Variants in GRHL3 observed in about 807,000 individuals in gnomAD.
GRHL3 encodes grainyhead-like protein 3 homolog.
In GRHL3, 20 loss-of-function variants were observed where a neutral mutation model predicts 70.3. The ratio of observed to expected loss-of-function variants is 0.28; its 90% CI spans 0.20 to 0.41. GRHL3 has a LOEUF of 0.41. GRHL3 is among the 10% of genes least tolerant of loss of function. The pLI is 1.00. For synonymous variants in GRHL3, 299 were observed against 299.9 expected, an observed-to-expected ratio of 1.00 and a Z score of 0.03; for missense variants, 637 against 762.3, an observed-to-expected ratio of 0.84 and a Z score of 1.94.
chr1:24,322,973 C>G lies in GRHL3; in HGVS notation c.17+3405C>G. 1 of 933,902 alleles carries G rather than the reference C, an allele frequency of 1.1e-6. No individual in the cohort carries two copies. Among genetic ancestry groups the G allele is most frequent in the Non-Finnish European group, 1.7e-6 (1 of 603,740 alleles). The allele number at this position is 933,902 out of a possible 1,614,324, so 57.9% of individuals were successfully genotyped here. A position where few individuals can be genotyped will look rare whatever the true frequency, so the allele number is the denominator to read the frequency against. Reference sequence around the variant, plus strand: ...CTCACGGAAGCACTGGGATCTTAACCGGGTCTTAGCCGAGCAGCCATAGGC... The same window carrying G: ...CTCACGGAAGCACTGGGATCTTAACGGGGTCTTAGCCGAGCAGCCATAGGC... On this transcript the variant is annotated intron_variant, in intron 1 of 15. Coordinates refer to ENST00000361548, the MANE Select transcript of GRHL3 (RefSeq NM_198173.3). This position sits in a 1 kb window ranked among gnomAD's most constrained non-coding sequence, Gnocchi z 4.4.
rs1640080112 is a variant in GRHL3, at chr1:24,342,421, C to G, written c.1206+148C>G. The G allele has an allele frequency of 1.5e-6, 1 of 686,202 alleles. No homozygotes were observed. Among genetic ancestry groups the G allele is most frequent in the Non-Finnish European group, 2.5e-6 (1 of 407,722 alleles). 42.5% of individuals were successfully genotyped at this position (686,202 alleles called of 1,614,324 possible). ...TCCTTCCCCTCTCCTCCTCCACCCC[C>G]ACTCCTCCATCTCTCTGTCTCTCTG... On this transcript the variant is annotated intron_variant, in intron 9 of 15. Coordinates refer to ENST00000361548, the MANE Select transcript of GRHL3 (RefSeq NM_198173.3). This position sits in a 1 kb window ranked among gnomAD's most constrained non-coding sequence, Gnocchi z 4.8.
chr1:24,357,583 G>T (rs1569943716), downstream of GRHL3: 1 of 158,574 alleles, frequency 6.3e-6, no homozygotes, highest in African/African-American at 2.4e-5. Context: ...AGAGGCCACA[G>T]TTGTACAGGC....
Position 24,337,012 on chromosome 1 carries a change from C to A in GRHL3, c.613-66C>A, listed in dbSNP as rs533818307. 132 of 1,490,764 alleles carry A rather than the reference C, an allele frequency of 8.9e-5. No homozygotes were observed. In the African/African-American group the frequency reaches 1.4e-3, roughly 16 times the overall value. The allele number at this position is 1,490,764 out of a possible 1,614,324, so 92.3% of individuals were successfully genotyped here. ...CAACCTGCATAGCTGTAATGCACAG[C>A]CCTGGGCTGAGGCTTCCCAGAGTGA... is the stretch of plus-strand genomic sequence containing the variant. On this transcript the variant is annotated intron_variant, in intron 4 of 15. Transcript: ENST00000361548.
downstream of GRHL3, chr1:24,357,518 T>G (rs1640802904): frequency 6.5e-6 from 1 of 152,958 alleles, no homozygotes; most frequent in South Asian, 2.1e-4. Context: ...TCAGTACTTT[T>G]TAAAGTCCCC....
chr1:24,336,736 G>A lies in GRHL3; in HGVS notation c.521G>A (p.Gly174Asp). Reference sequence around the variant, plus strand: ...CCCACCACTGATATGTATGATAATGGCTCCCTCAACTCCTTGTTTGAGAGC... The same window carrying A: ...CCCACCACTGATATGTATGATAATGACTCCCTCAACTCCTTGTTTGAGAGC... ...LLPTTDMYDN[G>D]SLNSLFESIH... is the part of the protein sequence containing the mutation. Residue 174 changes from glycine to aspartate, a missense_variant, in exon 4 of 16, where the codon GGC (glycine) becomes GAC (aspartate). Physicochemically the swap from Gly to Asp is moderately conservative, Grantham distance 94. Coordinates refer to ENST00000361548, the MANE Select transcript of GRHL3 (RefSeq NM_198173.3). 1 of 1,614,084 alleles carries A rather than the reference G, an allele frequency of 6.2e-7. No homozygotes were observed. Among genetic ancestry groups the A allele is most frequent in the Non-Finnish European group, 8.5e-7 (1 of 1,180,014 alleles).
chr1:24,336,651 G>C lies in GRHL3; in HGVS notation c.436G>C (p.Ala146Pro), dbSNP rs1446860434. 1.2e-6 allele frequency: 2 copies of C among 1,614,002 alleles called. No individual in the cohort carries two copies. The highest frequency in any genetic ancestry group is 1.7e-6 in the Non-Finnish European group (2 of 1,180,010). Reference protein sequence around the residue: ...EGALPTPGKAAPLPAGPSKLE... With the variant: ...EGALPTPGKAPPLPAGPSKLE... ...GGCCTTGCCCACCCCTGGCAAGGCA[G>C]CTCCCCTCCCTGCAGGCCCCAGCAA... Residue 146 changes from alanine (A) to proline (P), a missense_variant, in exon 4 of 16, where the codon GCT (alanine) becomes CCT (proline). Transcript: ENST00000361548.
chr1:24,343,376 C>T (rs1009947093), intron 11 of GRHL3: 27 of 254,082 alleles, frequency 1.1e-4, no homozygotes, highest in Admixed American at 7.9e-4. Context: ...CGGCTCTGAG[C>T]GCTTCCCAGG....
chr1:24,354,336 C>T (rs762380398), intron 15 of GRHL3, 38 bp from the exon 16 acceptor site: 1 of 1,456,458 alleles, frequency 6.9e-7, no homozygotes, highest in South Asian at 1.1e-5. Context: ...AAACAGGGCG[C>T]CTGCTGTGTT....
chr1:24,335,533 C>T (rs1391555914), intron 3 of GRHL3, among the ~76,000 whole-genome samples: 1 of 152,206 alleles, frequency 6.6e-6, no homozygotes, highest in Non-Finnish European at 1.5e-5. Context: ...CCAGTCCCCT[C>T]CACTGCCAGG....
intron 2 of GRHL3, among the ~76,000 whole-genome samples, chr1:24,331,832 G>A (rs558653196): frequency 4.6e-5 from 7 of 152,348 alleles, no homozygotes; most frequent in Admixed American, 3.9e-4. Context: ...TCACTGGAGA[G>A]GAGGCTTTCT....
At chr1:24,332,873 G>A (rs1332256785) in intron 2 of GRHL3, among the ~76,000 whole-genome samples, 1 of 152,240 alleles carries the variant, frequency 6.6e-6, no homozygotes, top group Non-Finnish European at 1.5e-5. Flanking sequence ...TCCTTCTGGA[G>A]TGGTCTGGTT....
rs1419950579 is a variant in GRHL3 at position 24,346,589 on chromosome 1, G to C, written c.1491G>C (p.Glu497Asp). The C allele has an allele frequency of 6.2e-7, 1 of 1,613,386 alleles. No homozygotes were observed. The highest frequency in any genetic ancestry group is 1.7e-5 in the Admixed American group (1 of 60,020). Reference sequence around the variant, plus strand: ...AGCGTACCTGCTCGCCCTTCACTGAGGAGTTTGAGCCTCTGCCCTCCAAGC... The same window carrying C: ...AGCGTACCTGCTCGCCCTTCACTGACGAGTTTGAGCCTCTGCCCTCCAAGC... ...PLKRTCSPFT[E>D]EFEPLPSKQA... The change falls in exon 13 of 16, where the codon GAG becomes GAC. Residue 497 changes from glutamate (E) to aspartate (D), a missense_variant. Transcript: ENST00000361548.
intron 11 of GRHL3, 29 bp downstream of exon 11, chr1:24,343,054 G>T (rs1640112405): frequency 6.2e-7 from 1 of 1,613,666 alleles, no homozygotes; most frequent in African/African-American, 1.3e-5. Context: ...TCTCGGGAAG[G>T]AGCCGAGAGA....
intron 1 of GRHL3, among the ~76,000 whole-genome samples, chr1:24,328,068 C>T (rs778018867): frequency 9.2e-5 from 14 of 152,230 alleles, no homozygotes; most frequent in Admixed American, 3.9e-4. Flanking sequence ...TGCCGCCTTC[C>T]TCCTGCCTTG....
chr1:24,325,446 G>C (rs1639355286), intron 1 of GRHL3, among the ~76,000 whole-genome samples: 1 of 152,192 alleles, frequency 6.6e-6, no homozygotes, highest in Non-Finnish European at 1.5e-5. Flanking sequence ...TAAATTGCTA[G>C]GATTCTAACA....
chr1:24,320,241 C>T (rs1639128132), intron 1 of GRHL3, among the ~76,000 whole-genome samples: 1 of 152,230 alleles, frequency 6.6e-6, no homozygotes, highest in African/African-American at 2.4e-5. Flanking sequence ...AAGCTATGGT[C>T]TGAAGATGCG....
chr1:24,358,629 GA>G, downstream of GRHL3: 1 of 1,607,296 alleles, frequency 6.2e-7, no homozygotes, highest in Non-Finnish European at 8.5e-7. Flanking sequence ...GCTGTGAGGG[GA>G]CAGAGAGGCG....
At chr1:24,325,996 G>C (rs746540529) in intron 1 of GRHL3, among the ~76,000 whole-genome samples, 11 of 152,204 alleles carry the variant, frequency 7.2e-5, no homozygotes, top group African/African-American at 1.4e-4. Flanking sequence ...AGGCAAGCCA[G>C]TGGCCCTCTC....
Position 24,334,338 on chromosome 1 carries a change from T to C in GRHL3, c.205-307T>C, listed in dbSNP as rs1308914337. Reference sequence around the variant, plus strand: ...GGAAGGGGAAGCAAACACATCCTTCTTCACATGGCGGCAGCAAGGAAAAGT... The same window carrying C: ...GGAAGGGGAAGCAAACACATCCTTCCTCACATGGCGGCAGCAAGGAAAAGT... On this transcript the variant is annotated intron_variant, in intron 2 of 15. Transcript: ENST00000361548. The surrounding 1 kb of genome is among the most constrained non-coding windows in gnomAD (Gnocchi z 4.3). Among the ~76,000 whole-genome samples, 1 of 152,158 alleles carries C rather than the reference T, an allele frequency of 6.6e-6. No individual in the cohort carries two copies. Among genetic ancestry groups the C allele is most frequent in the Non-Finnish European group, 1.5e-5 (1 of 68,034 alleles).
Sources: allele counts gnomAD v4.1 joint callset (sites outside exome capture counted in the v4.1 genomes callset), GRCh38; gene constraint gnomAD v4.1.1; non-coding constraint Gnocchi (gnomAD v3.1); transcripts MANE v1.5; gene names NCBI Gene and HGNC (gene_info 2026-07-23, HGNC 2026-07-21).